Variants in CASK observed in about 807,000 individuals in gnomAD.
CASK encodes peripheral plasma membrane protein CASK.
CASK carries 4 observed loss-of-function variants against 82.9 expected under a neutral mutation model. The ratio of observed to expected loss-of-function variants is 0.05; its 90% CI spans 0.02 to 0.11. CASK has a LOEUF of 0.11. Among genes scored for constraint, CASK ranks in the 10% least tolerant of loss-of-function variants. The pLI is 1.00. For synonymous variants in CASK, 259 were observed against 253.5 expected (o/e 1.02, Z -0.20); for missense variants, 358 against 720.9 (o/e 0.50, Z 5.76).
intron 5 of CASK, among the ~76,000 whole-genome samples, chrX:41,694,569 G>A (rs2067641956): frequency 8.9e-6 from 1 of 112,098 alleles, no homozygotes; most frequent in South Asian, 3.7e-4. Context: ...TGAACCCAGG[G>A]CACATTTAAG....
At chrX:41,827,909 T>C (rs1257271101) in intron 2 of CASK, among the ~76,000 whole-genome samples, 2 of 111,738 alleles carry the variant, frequency 1.8e-5, no homozygotes, top group Non-Finnish European at 3.8e-5. Context: ...ATGGAAATTG[T>C]AGAGAATGGA....
At position 41,555,584 on chromosome X, in the gene CASK, G is replaced by C; in HGVS notation, c.1842+16C>G. The C allele has an allele frequency of 8.5e-7, 1 of 1,175,205 alleles. No individual in the cohort carries two copies. The highest frequency in any genetic ancestry group is 1.8e-5 in the South Asian group (1 of 56,152). ...TGCTCAGTTTAGAGAAGTTTCTATA[G>C]AGGATATCTATTCACCTGTCGTCCT... On this transcript the variant is annotated intron_variant, in intron 20 of 26. Coordinates refer to ENST00000378163, the MANE Select transcript of CASK (RefSeq NM_001367721.1).
intron 16 of CASK, among the ~76,000 whole-genome samples, chrX:41,565,344 C>T (rs2065295183): frequency 9.0e-6 from 1 of 111,270 alleles, no homozygotes; most frequent in Non-Finnish European, 1.9e-5. Flanking sequence ...GCTAGCAAGA[C>T]TAATAAAGAA....
At chrX:41,880,264 C>A (rs2071923735) in intron 1 of CASK, among the ~76,000 whole-genome samples, 1 of 111,747 alleles carries the variant, frequency 8.9e-6, no homozygotes, top group South Asian at 3.7e-4. Context: ...ATTCTAGTTT[C>A]TTGACTTGGG....
chrX:41,649,726 T>C (rs1156399675), intron 8 of CASK, among the ~76,000 whole-genome samples: 2 of 112,106 alleles, frequency 1.8e-5, no homozygotes, highest in African/African-American at 6.5e-5. Flanking sequence ...ATGTGTATTC[T>C]GTTGATTTGG....
chrX:41,881,089 GT>G (rs1404857902), intron 1 of CASK, among the ~76,000 whole-genome samples: 1 of 111,386 alleles, frequency 9.0e-6, no homozygotes, highest in Non-Finnish European at 1.9e-5. Context: ...TGTACAAACT[GT>G]TTCCTCTGCC....
intron 2 of CASK, among the ~76,000 whole-genome samples, chrX:41,849,606 G>A (rs1310988717): frequency 9.0e-6 from 1 of 111,445 alleles, no homozygotes; most frequent in Non-Finnish European, 1.9e-5. Flanking sequence ...AATCTAATAA[G>A]AGCTATGGAC....
chrX:41,727,126 A>G, intron 5 of CASK: 1 of 1,191,875 alleles, frequency 8.4e-7, no homozygotes, highest in Non-Finnish European at 1.1e-6. Flanking sequence ...TTTTGGAAAC[A>G]CTCTCTCTCA....
At chrX:41,834,754 T>C (rs2070897212) in intron 2 of CASK, among the ~76,000 whole-genome samples, 1 of 112,339 alleles carries the variant, frequency 8.9e-6, no homozygotes, top group Admixed American at 9.4e-5. Flanking sequence ...ATTTATTATA[T>C]TTTCTATCTG....
Position 41,787,304 on chromosome X carries a change from A to G in CASK, c.173-21T>C, listed in dbSNP as rs772392903. ...TAGATCTGTAAAACAAACATACAGC[A>G]TACTTCATTAGGTAGGAACAAAAGA... On this transcript the variant is annotated intron_variant, in intron 2 of 26. Transcript: ENST00000378163. The G allele has an allele frequency of 2.0e-5, 18 of 912,520 alleles. No individual in the cohort carries two copies. The Admixed American group carries it at 4.0e-4, about 20-fold the overall frequency. The allele number at this position is 912,520 out of a possible 1,213,427, so 75.2% of individuals were successfully genotyped here.
At chrX:41,549,381 G>A (rs1304042660) in intron 21 of CASK, among the ~76,000 whole-genome samples, 7 of 111,649 alleles carry the variant, frequency 6.3e-5, no homozygotes. Flanking sequence ...ACTGCCCAGT[G>A]GGCCTCTTTC....
chrX:41,522,525 A>G (rs1021514733), intron 26 of CASK, among the ~76,000 whole-genome samples: 1 of 111,986 alleles, frequency 8.9e-6, no homozygotes, highest in African/African-American at 3.2e-5. Flanking sequence ...ACAATGCAAA[A>G]AACGCCATTT....
At position 41,779,151 on chromosome X, in the gene CASK, C is replaced by T. The variant is rs966179403; in HGVS notation, c.278+8027G>A. Among the ~76,000 whole-genome samples, 4 of 112,231 alleles carry T rather than the reference C, an allele frequency of 3.6e-5. No homozygotes were observed. In the Admixed American group the frequency reaches 3.8e-4, roughly 11 times the overall value. On this transcript the variant is annotated intron_variant, in intron 3 of 26. Coordinates refer to ENST00000378163, the MANE Select transcript of CASK (RefSeq NM_001367721.1). Reference sequence around the variant, plus strand: ...AAAAGACTGACTCACTGTGTCTAAACTGTTTGTGCTAACAATGTGATTTAG... The same window carrying T: ...AAAAGACTGACTCACTGTGTCTAAATTGTTTGTGCTAACAATGTGATTTAG...
At chrX:41,645,851 T>A (rs1482261463) in intron 8 of CASK, among the ~76,000 whole-genome samples, 1 of 111,164 alleles carries the variant, frequency 9.0e-6, no homozygotes, top group Middle Eastern at 4.2e-3. Context: ...ATTTACCTGC[T>A]ACACATAATT....
At chrX:41,526,411 GT>G (rs1041974165) in intron 25 of CASK, among the ~76,000 whole-genome samples, 3 of 112,124 alleles carry the variant, frequency 2.7e-5, no homozygotes, top group Non-Finnish European at 3.8e-5. Context: ...GCATGAAATG[GT>G]TTTTTTCTGC....
chrX:41,831,016 G>A (rs936643215), intron 2 of CASK, among the ~76,000 whole-genome samples: 8 of 109,339 alleles, frequency 7.3e-5, no homozygotes, highest in Non-Finnish European at 1.3e-4. Flanking sequence ...GCACCATCCC[G>A]AGACTCCTCA....
chrX:41,612,770 C>T (rs1390193329), intron 11 of CASK, among the ~76,000 whole-genome samples: 5 of 99,111 alleles, frequency 5.0e-5, no homozygotes, highest in Admixed American at 1.0e-4. Context: ...GTCAACCCCC[C>T]GCCCGGCCAG....
intron 12 of CASK, among the ~76,000 whole-genome samples, chrX:41,596,194 CAAAA>C (rs146680841): frequency 1.6e-5 from 1 of 61,594 alleles, no homozygotes. Flanking sequence ...GACTCTGTCT[CAAAA>C]AAAAAAAAAA....
In CASK at chrX:41,790,043, C is replaced by T. The variant is rs1028639357; in HGVS notation, c.173-2760G>A. On this transcript the variant is annotated intron_variant, in intron 2 of 26. Coordinates refer to ENST00000378163, the MANE Select transcript of CASK (RefSeq NM_001367721.1). Reference sequence around the variant, plus strand: ...CTCCCAGGTTCAAGAGATTCTCCTGCGTCAGCCTCCTGAATAGCTGGGATT... The same window carrying T: ...CTCCCAGGTTCAAGAGATTCTCCTGTGTCAGCCTCCTGAATAGCTGGGATT... The T allele has an allele frequency of 5.4e-5, 11 of 203,825 alleles. No homozygotes were observed. The South Asian group carries it at 6.9e-4, about 13-fold the overall frequency. 16.8% of individuals were successfully genotyped at this position (203,825 alleles called of 1,213,427 possible). A position where few individuals can be genotyped will look rare whatever the true frequency, so the allele number is the denominator to read the frequency against.
Sources: gnomAD v4.1 joint callset for allele counts (sites outside exome capture counted in the v4.1 genomes callset) on GRCh38, gnomAD v4.1.1 for gene constraint, MANE v1.5 for transcripts, NCBI Gene and HGNC (gene_info 2026-07-23, HGNC 2026-07-21) for gene names.